Variants in VPS13B observed in about 807,000 individuals in gnomAD.
VPS13B encodes intermembrane lipid transfer protein VPS13B.
Under a neutral mutation model 426.4 loss-of-function variants are expected in VPS13B, and 285 were observed. The observed-to-expected ratio is 0.67, with a 90% CI of 0.61 to 0.74. The LOEUF is 0.74. Among genes scored for constraint, VPS13B ranks in the 30% least tolerant of loss-of-function variants. The pLI, the probability that VPS13B is intolerant of heterozygous loss-of-function variation, is 0.00. For missense variants in VPS13B, 4,537 were observed against 4,782.6 expected, an observed-to-expected ratio of 0.95 and a Z score of 1.51; for synonymous variants, 1,676 against 1,676.4, an observed-to-expected ratio of 1.00 and a Z score of 0.01.
intron 12 of VPS13B, among the ~76,000 whole-genome samples, chr8:99,140,580 TGC>T (rs1810359315): frequency 9.5e-6 from 1 of 104,786 alleles, no homozygotes; most frequent in Non-Finnish European, 2.1e-5. Flanking sequence ...TTCTTGCTGC[TGC>T]TGCTGCTTCC....
chr8:99,599,261 C>A (rs1413904983), intron 33 of VPS13B, among the ~76,000 whole-genome samples: 1 of 151,988 alleles, frequency 6.6e-6, no homozygotes, highest in Non-Finnish European at 1.5e-5. Flanking sequence ...CTCCCCGGGC[C>A]TCTCCCATCT....
chr8:99,170,409 G>A (rs564046975), intron 16 of VPS13B, among the ~76,000 whole-genome samples: 1 of 152,020 alleles, frequency 6.6e-6, no homozygotes, highest in East Asian at 1.9e-4. Flanking sequence ...CATGTTGGAT[G>A]TGTGTAAAAT....
chr8:99,201,646 A>G (rs1814333572), intron 17 of VPS13B, among the ~76,000 whole-genome samples: 1 of 152,180 alleles, frequency 6.6e-6, no homozygotes, highest in Admixed American at 6.5e-5. Flanking sequence ...ATCCTTCCTC[A>G]GCTCTTGCAA....
intron 23 of VPS13B, among the ~76,000 whole-genome samples, chr8:99,448,391 A>T (rs1818032473): frequency 2.0e-5 from 3 of 152,134 alleles, no homozygotes; most frequent in Non-Finnish European, 4.4e-5. Flanking sequence ...TTATTTCAAG[A>T]TATTTAAATT....
At chr8:99,854,470 T>A (rs193039292) in intron 56 of VPS13B, among the ~76,000 whole-genome samples, 363 of 152,264 alleles carry the variant, frequency 2.4e-3, no homozygotes, top group African/African-American at 7.2e-3. Flanking sequence ...GAGTCTCCAT[T>A]TCCTCATCGA....
chr8:99,104,755 C>T (rs1846953350), intron 5 of VPS13B, among the ~76,000 whole-genome samples: 1 of 152,106 alleles, frequency 6.6e-6, no homozygotes, highest in African/African-American at 2.4e-5. Flanking sequence ...TCCCAAGTAG[C>T]TGGGACCACA....
chr8:99,410,817 G>T (rs1815609281), intron 21 of VPS13B, among the ~76,000 whole-genome samples: 1 of 152,038 alleles, frequency 6.6e-6, no homozygotes, highest in African/African-American at 2.4e-5. Flanking sequence ...TGTGGTGTTT[G>T]GTTTTCTGTT....
chr8:99,491,612 G>C (rs980805487), intron 25 of VPS13B, among the ~76,000 whole-genome samples: 17 of 151,618 alleles, frequency 1.1e-4, no homozygotes, highest in African/African-American at 4.1e-4. Context: ...TCATTAATTT[G>C]ATCTTCAATC....
intron 15 of VPS13B, among the ~76,000 whole-genome samples, chr8:99,161,456 T>C (rs1811644392): frequency 6.6e-6 from 1 of 152,212 alleles, no homozygotes; most frequent in African/African-American, 2.4e-5. Flanking sequence ...ATAAAATTTA[T>C]TGGAATACTT....
chr8:99,193,964 T>G (rs1294270074), intron 17 of VPS13B, among the ~76,000 whole-genome samples: 1 of 152,178 alleles, frequency 6.6e-6, no homozygotes, highest in Non-Finnish European at 1.5e-5. Context: ...AATATGAAAT[T>G]CATTTACATT....
chr8:99,377,546 G>A (rs1244967434), intron 19 of VPS13B, among the ~76,000 whole-genome samples: 2 of 152,048 alleles, frequency 1.3e-5, no homozygotes, highest in Non-Finnish European at 2.9e-5. Flanking sequence ...TGTTGCTGAT[G>A]CTTTCTCATA....
Position 99,096,208 on chromosome 8 carries a change from T to C in VPS13B, c.292-104T>C, listed in dbSNP as rs1035288655. Reference sequence around the variant, plus strand: ...GCTAAAAAATAAAATTATGTTGATCTTATCTCCTGTAGCTACCATAAACTG... The same window carrying C: ...GCTAAAAAATAAAATTATGTTGATCCTATCTCCTGTAGCTACCATAAACTG... On this transcript the variant is annotated intron_variant, in intron 3 of 61. Coordinates refer to ENST00000357162, the MANE Select transcript of VPS13B (RefSeq NM_152564.5). 1.6e-5 allele frequency: 21 copies of C among 1,309,228 alleles called. No homozygotes were observed. In the Admixed American group the frequency reaches 4.9e-4, roughly 30 times the overall value. 81.1% of individuals were successfully genotyped at this position (1,309,228 alleles called of 1,614,324 possible).
intron 21 of VPS13B, among the ~76,000 whole-genome samples, chr8:99,430,394 ATGCTAC>A: frequency 6.6e-6 from 1 of 152,140 alleles, no homozygotes; most frequent in Non-Finnish European, 1.5e-5. Context: ...TATTTATTTT[ATGCTAC>A]TTTATAAGTA....
intron 35 of VPS13B, among the ~76,000 whole-genome samples, chr8:99,681,916 CA>C (rs1486192158): frequency 6.6e-6 from 1 of 152,118 alleles, no homozygotes; most frequent in African/African-American, 2.4e-5. Context: ...ACTCCCTTAC[CA>C]ATCCACTGGT....
intron 25 of VPS13B, among the ~76,000 whole-genome samples, chr8:99,500,888 C>T (rs1178127104): frequency 1.3e-5 from 2 of 152,228 alleles, no homozygotes; most frequent in Admixed American, 6.5e-5. Context: ...TTCTGGCCTG[C>T]TAAAAGCTGC....
At chr8:99,740,946 A>C (rs1010466006) in intron 39 of VPS13B, among the ~76,000 whole-genome samples, 12 of 152,166 alleles carry the variant, frequency 7.9e-5, no homozygotes, top group Admixed American at 2.0e-4. Context: ...TAACATCATA[A>C]TGACAGGATC....
Position 99,776,803 on chromosome 8 carries a change from A to G in VPS13B, c.7276A>G (p.Thr2426Ala), listed in dbSNP as rs2130667997. 6.2e-7 allele frequency: 1 copy of G among 1,614,024 alleles called. No individual in the cohort carries two copies. Among genetic ancestry groups the G allele is most frequent in the South Asian group, 1.1e-5 (1 of 91,084 alleles). Residue 2426 changes from threonine to alanine, a missense_variant, in exon 41 of 62, where the codon ACT (threonine) becomes GCT (alanine). Thr to Ala is a moderately conservative substitution (Grantham distance 58). Transcript: ENST00000357162. Reference sequence around the variant, plus strand: ...TGCAAGTGAGTCTGGTTCTCAAAGCACTTGTGATCCACTTGTGACTCCAAC... The same window carrying G: ...TGCAAGTGAGTCTGGTTCTCAAAGCGCTTGTGATCCACTTGTGACTCCAAC... ...SSASESGSQS[T>A]CDPLVTPTAL...
intron 29 of VPS13B, among the ~76,000 whole-genome samples, chr8:99,512,855 A>G (rs1033535119): frequency 3.3e-5 from 5 of 152,162 alleles, no homozygotes; most frequent in African/African-American, 1.2e-4. Flanking sequence ...TAAAAATACA[A>G]AAAATTAGCC....
At chr8:99,480,643 C>T (rs1203238879) in intron 24 of VPS13B, among the ~76,000 whole-genome samples, 4 of 151,830 alleles carry the variant, frequency 2.6e-5, no homozygotes, top group Non-Finnish European at 5.9e-5. Flanking sequence ...ATAGCTGTAA[C>T]CTGAGATTTG....
Sources: allele counts gnomAD v4.1 joint callset (sites outside exome capture counted in the v4.1 genomes callset), GRCh38; gene constraint gnomAD v4.1.1; transcripts MANE v1.5; gene names NCBI Gene and HGNC (gene_info 2026-07-23, HGNC 2026-07-21).